The following KCNJ6 variants were observed in gnomAD, a reference collection of about 807,000 sequenced individuals.
The protein encoded by KCNJ6 is G protein-activated inward rectifier potassium channel 2.
KCNJ6 carries 9 observed loss-of-function variants against 34.2 expected under a neutral mutation model. The observed-to-expected ratio is 0.26, with a 90% CI of 0.16 to 0.46. The LOEUF (loss-of-function observed/expected upper bound fraction) is 0.46. KCNJ6 is among the 20% of genes least tolerant of loss of function. The pLI, the probability that KCNJ6 is intolerant of heterozygous loss-of-function variation, is 1.00. For missense variants in KCNJ6, 236 were observed against 531.3 expected (o/e 0.44, Z 5.46); for synonymous variants, 196 against 207.1 (o/e 0.95, Z 0.46).
At chr21:37,896,039 C>T (rs2055786144) in intron 1 of KCNJ6, among the ~76,000 whole-genome samples, 2 of 152,150 alleles carry the variant, frequency 1.3e-5, no homozygotes, top group African/African-American at 2.4e-5. Flanking sequence ...AAGAATGATG[C>T]TGGCATTTGC....
At chr21:37,677,218 G>A (rs1348414201) in intron 3 of KCNJ6, among the ~76,000 whole-genome samples, 1 of 152,192 alleles carries the variant, frequency 6.6e-6, no homozygotes, top group Non-Finnish European at 1.5e-5. Context: ...CTGGGGATGG[G>A]GAGGGAGAGG....
In KCNJ6 at chr21:37,763,755, A is replaced by C. The variant is rs113916411; in HGVS notation, c.26-48624T>G. 9.8e-3 allele frequency among the ~76,000 whole-genome samples: 1,499 copies of C among 152,296 alleles called. 19 individuals carry two copies. Among genetic ancestry groups the C allele is most frequent in the African/African-American group, 0.034 (1,418 of 41,544 alleles). On this transcript the variant is annotated intron_variant, in intron 2 of 3. Transcript: ENST00000609713. Reference sequence around the variant, plus strand: ...ATTGTTCAATTCCCACCTATGAGTGAGAACATGCTGTGTTTGGTTTTCTGT... The same window carrying C: ...ATTGTTCAATTCCCACCTATGAGTGCGAACATGCTGTGTTTGGTTTTCTGT...
chr21:37,682,723 T>A lies in KCNJ6; in HGVS notation c.946+31488A>T, dbSNP rs1185764798. Among the ~76,000 whole-genome samples the A allele has an allele frequency of 3.9e-5, 6 of 152,306 alleles. No homozygotes were observed. In the East Asian group the frequency reaches 9.7e-4, roughly 25 times the overall value. Reference sequence around the variant, plus strand: ...GGCCTAGGATGTGGACATATCTTTTTAGTGGTCACCAGTCAACTCACTACA... The same window carrying A: ...GGCCTAGGATGTGGACATATCTTTTAAGTGGTCACCAGTCAACTCACTACA... On this transcript the variant is annotated intron_variant, in intron 3 of 3. Coordinates refer to ENST00000609713, the MANE Select transcript of KCNJ6 (RefSeq NM_002240.5).
intron 1 of KCNJ6, among the ~76,000 whole-genome samples, chr21:37,851,394 T>G (rs12483570): frequency 6.6e-6 from 1 of 152,182 alleles, no homozygotes; most frequent in Admixed American, 6.6e-5. Context: ...AGAAACTAAG[T>G]CAGGGGAATA....
chr21:37,688,913 G>A (rs1364572805), intron 3 of KCNJ6, among the ~76,000 whole-genome samples: 2 of 152,112 alleles, frequency 1.3e-5, no homozygotes, highest in African/African-American at 4.8e-5. Context: ...AAATGGAACA[G>A]GTTTGAATAT....
At position 37,773,445 on chromosome 21, in the gene KCNJ6, A is replaced by C. The variant is rs528183177; in HGVS notation, c.26-58314T>G. 5.3e-5 allele frequency among the ~76,000 whole-genome samples: 8 copies of C among 152,206 alleles called. No homozygotes were observed. In the South Asian group the frequency reaches 1.2e-3, roughly 24 times the overall value. ...AAACAGCTGCTATTCTCTCCTTCTT[A>C]TGAGTAGGGAGCAGAGGGAAGGTGT... On this transcript the variant is annotated intron_variant, in intron 2 of 3. Transcript: ENST00000609713.
At position 37,850,537 on chromosome 21, in the gene KCNJ6, G is replaced by A. The variant is rs553032604; in HGVS notation, c.-27-9828C>T. On this transcript the variant is annotated intron_variant, in intron 1 of 3. Transcript: ENST00000609713. ...TTGCCTGATGATGTGAGGTGGAACA[G>A]TTTCACTCTGAAACCATCCCCACCC... Among the ~76,000 whole-genome samples, 260 of 152,220 alleles carry A rather than the reference G, an allele frequency of 1.7e-3. 1 individual carries two copies. Among genetic ancestry groups the A allele is most frequent in the African/African-American group, 6.0e-3 (248 of 41,536 alleles).
chr21:37,865,043 G>T (rs2055615640), intron 1 of KCNJ6, among the ~76,000 whole-genome samples: 1 of 152,142 alleles, frequency 6.6e-6, no homozygotes, highest in South Asian at 2.1e-4. Flanking sequence ...GGCTTCAAGA[G>T]AAGCTGGTTT....
At chr21:37,705,586 A>T (rs2054715416) in intron 3 of KCNJ6, among the ~76,000 whole-genome samples, 1 of 152,188 alleles carries the variant, frequency 6.6e-6, no homozygotes, top group Non-Finnish European at 1.5e-5. Context: ...GTGCATGATT[A>T]TCTCGTGGAA....
chr21:37,895,651 G>A (rs751834322), intron 1 of KCNJ6, among the ~76,000 whole-genome samples: 13 of 152,126 alleles, frequency 8.5e-5, no homozygotes, highest in Non-Finnish European at 1.9e-4. Context: ...TGCCCTCAGG[G>A]TGAAGTACAT....
At chr21:37,700,341 C>T (rs1408312469) in intron 3 of KCNJ6, among the ~76,000 whole-genome samples, 2 of 152,094 alleles carry the variant, frequency 1.3e-5, no homozygotes, top group South Asian at 2.1e-4. Context: ...CATGTGCAGG[C>T]CAGGGTTGAA....
intron 2 of KCNJ6, among the ~76,000 whole-genome samples, chr21:37,755,237 T>C (rs1467528274): frequency 1.3e-5 from 2 of 152,070 alleles, no homozygotes; most frequent in Admixed American, 6.5e-5. Flanking sequence ...GGCTGACTTT[T>C]ATAGCTTCTG....
chr21:37,835,284 T>TG (rs772905910), intron 2 of KCNJ6, among the ~76,000 whole-genome samples: 16 of 151,838 alleles, frequency 1.1e-4, no homozygotes, highest in Non-Finnish European at 1.8e-4. Flanking sequence ...AGGTTGGAGG[T>TG]GGGGGGTCCT....
intron 1 of KCNJ6, among the ~76,000 whole-genome samples, chr21:37,904,349 C>T (rs928211393): frequency 1.3e-5 from 2 of 152,156 alleles, no homozygotes; most frequent in Non-Finnish European, 2.9e-5. Flanking sequence ...AAATAAACTC[C>T]ACTTATGCAC....
In KCNJ6 at chr21:37,612,719, A is replaced by G. The variant is rs2123348791; in HGVS notation, c.*12440T>C. The G allele has an allele frequency of 1.1e-5, 1 of 93,608 alleles. No individual in the cohort carries two copies. Among genetic ancestry groups the G allele is most frequent in the African/African-American group, 5.6e-5 (1 of 17,894 alleles). 5.8% of individuals were successfully genotyped at this position (93,608 alleles called of 1,614,324 possible). A position where few individuals can be genotyped will look rare whatever the true frequency, so the allele number is the denominator to read the frequency against. ...GAAATAGCTGCACATTTGCACATCCACAGGCAAAAAAAAAAAAAAAAAAAA... is the reference window on the plus strand; with the variant it reads ...GAAATAGCTGCACATTTGCACATCCGCAGGCAAAAAAAAAAAAAAAAAAAA... On this transcript the variant is annotated 3_prime_UTR_variant, in exon 4 of 4. Coordinates refer to ENST00000609713, the MANE Select transcript of KCNJ6 (RefSeq NM_002240.5).
intron 2 of KCNJ6, among the ~76,000 whole-genome samples, chr21:37,797,875 TC>T (rs2123528763): frequency 6.6e-6 from 1 of 152,274 alleles, no homozygotes; most frequent in South Asian, 2.1e-4. Flanking sequence ...GGGAAATGGG[TC>T]CAGGCAAGCT....
chr21:37,864,871 C>CT (rs67735635), intron 1 of KCNJ6, among the ~76,000 whole-genome samples: 4,133 of 142,772 alleles, frequency 0.029, 225 homozygotes, highest in African/African-American at 0.1. Flanking sequence ...GTCTCTCTCT[C>CT]TTTTTTTTTT....
intron 3 of KCNJ6, among the ~76,000 whole-genome samples, chr21:37,681,470 T>G (rs1709812): frequency 0.98 from 148,887 of 152,326 alleles, 72,801 homozygotes; most frequent in East Asian, 1. Context: ...AGAGTGACAG[T>G]TGCCTGTTGG....
Position 37,653,053 on chromosome 21 carries a change from C to T in KCNJ6, c.947-27569G>A, listed in dbSNP as rs549367418. Among the ~76,000 whole-genome samples, 10 of 152,092 alleles carry T rather than the reference C, an allele frequency of 6.6e-5. No individual in the cohort carries two copies. The South Asian group carries it at 1.2e-3, about 19-fold the overall frequency. ...GAATTTAGAATGATGCTCATCTGCC[C>T]GTGTGTGTGTGGGATTATTTAGCAG... On this transcript the variant is annotated intron_variant, in intron 3 of 3. Transcript: ENST00000609713.
Sources: gnomAD v4.1 joint callset for allele counts (sites outside exome capture counted in the v4.1 genomes callset) on GRCh38, gnomAD v4.1.1 for gene constraint, MANE v1.5 for transcripts, NCBI Gene and HGNC (gene_info 2026-07-23, HGNC 2026-07-21) for gene names.